The following HDAC8 variants were observed in gnomAD, a reference collection of about 807,000 sequenced individuals.
HDAC8 encodes the protein histone deacetylase-like 1.
HDAC8 carries 1 observed loss-of-function variant against 32.2 expected under a neutral mutation model. The ratio of observed to expected loss-of-function variants is 0.03; its 90% CI spans 0.01 to 0.15. HDAC8 has a LOEUF of 0.15. Among genes scored for constraint, HDAC8 ranks in the 10% least tolerant of loss-of-function variants. The probability of loss-of-function intolerance (pLI) is 1.00; values close to 1 mark genes in which losing one functional copy is unlikely to be tolerated. For synonymous variants in HDAC8, 108 were observed against 113.9 expected (o/e 0.95, Z 0.33); for missense variants, 117 against 300.0 (o/e 0.39, Z 4.51).
chrX:72,385,821 G>A (rs1602649278), intron 9 of HDAC8, among the ~76,000 whole-genome samples: 1 of 111,724 alleles, frequency 9.0e-6, no homozygotes, highest in Admixed American at 9.5e-5. Context: ...CACAGTTTGG[G>A]GAGTAACACA....
intron 7 of HDAC8, among the ~76,000 whole-genome samples, chrX:72,473,162 G>A (rs782819057): frequency 8.9e-6 from 1 of 112,415 alleles, no homozygotes; most frequent in South Asian, 3.7e-4. Flanking sequence ...AAAGTGCTTT[G>A]TAATCTGACT....
rs917079671 is a variant in HDAC8 at position 72,490,844 on chromosome X, C to T, written c.628+85G>A. On this transcript the variant is annotated intron_variant, in intron 6 of 10. Transcript: ENST00000373573. The stretch of plus-strand genomic sequence containing the variant: ...GATTGTGGCAGTAAGGCATTAACAG[C>T]ATGGAACTGTCCAAGTATAAGAAAT... 3 of 754,193 alleles carry T rather than the reference C, an allele frequency of 4.0e-6. No individual in the cohort carries two copies. In the Admixed American group the frequency reaches 7.1e-5, roughly 18 times the overall value. The allele number at this position is 754,193 out of a possible 1,213,427, so 62.2% of individuals were successfully genotyped here. A position where few individuals can be genotyped will look rare whatever the true frequency, so the allele number is the denominator to read the frequency against.
At chrX:72,401,448 C>T (rs781919544) in intron 9 of HDAC8, among the ~76,000 whole-genome samples, 3 of 111,280 alleles carry the variant, frequency 2.7e-5, no homozygotes, top group East Asian at 2.8e-4. Flanking sequence ...AGGCTGGTCT[C>T]GAACTCCTGA....
chrX:72,404,251 A>G (rs949289574), intron 9 of HDAC8, among the ~76,000 whole-genome samples: 6 of 110,991 alleles, frequency 5.4e-5, no homozygotes, highest in Non-Finnish European at 7.6e-5. Context: ...TCAGTTTGGA[A>G]GATACTCATT....
At chrX:72,393,714 C>A (rs2045677992) in intron 9 of HDAC8, among the ~76,000 whole-genome samples, 1 of 111,566 alleles carries the variant, frequency 9.0e-6, no homozygotes, top group African/African-American at 3.3e-5. Flanking sequence ...ACACCCCCCA[C>A]TCCCCGATGC....
At chrX:72,463,113 C>T (rs1227486069) in intron 8 of HDAC8, among the ~76,000 whole-genome samples, 4 of 111,000 alleles carry the variant, frequency 3.6e-5, no homozygotes, top group East Asian at 5.6e-4. Flanking sequence ...GCTCCCTCTA[C>T]GAATTGTGTG....
chrX:72,503,151 C>A (rs1173939456), intron 4 of HDAC8, among the ~76,000 whole-genome samples: 2 of 111,735 alleles, frequency 1.8e-5, no homozygotes, highest in Admixed American at 1.9e-4. Context: ...ATGTTTTACA[C>A]CAATGCTTCC....
chrX:72,444,529 C>T (rs1200130075), intron 9 of HDAC8, among the ~76,000 whole-genome samples: 3 of 107,469 alleles, frequency 2.8e-5, no homozygotes, highest in East Asian at 2.9e-4. Flanking sequence ...ATTGATGGGA[C>T]GTATCTCAAA....
chrX:72,373,593 T>C (rs2147802754), intron 9 of HDAC8, among the ~76,000 whole-genome samples: 1 of 112,649 alleles, frequency 8.9e-6, no homozygotes, highest in South Asian at 3.7e-4. Context: ...ACACATTTTG[T>C]TTATCCATTT....
At chrX:72,387,100 C>G (rs1555961728) in intron 9 of HDAC8, among the ~76,000 whole-genome samples, 2 of 112,441 alleles carry the variant, frequency 1.8e-5, no homozygotes, top group Non-Finnish European at 3.8e-5. Flanking sequence ...AGGCAGAGCA[C>G]AATGAGCTAG....
chrX:72,543,704 T>C (rs146429201), intron 4 of HDAC8, among the ~76,000 whole-genome samples: 224 of 112,691 alleles, frequency 2.0e-3, no homozygotes, highest in African/African-American at 6.8e-3. Flanking sequence ...CAGAATCACC[T>C]GGGTAGGCAT....
intron 4 of HDAC8, among the ~76,000 whole-genome samples, chrX:72,505,453 T>C (rs923087647): frequency 1.8e-5 from 2 of 111,604 alleles, no homozygotes; most frequent in African/African-American, 3.3e-5. Context: ...TTTGAGCTAT[T>C]TGGTACCTAC....
chrX:72,337,797 G>A (rs1361187348), intron 10 of HDAC8, among the ~76,000 whole-genome samples: 3 of 111,841 alleles, frequency 2.7e-5, no homozygotes, highest in South Asian at 3.7e-4. Context: ...TGCAGGGGCC[G>A]GTCCCTTGCC....
intron 9 of HDAC8, among the ~76,000 whole-genome samples, chrX:72,447,589 G>A (rs1555985549): frequency 9.0e-6 from 1 of 111,681 alleles, no homozygotes; most frequent in Non-Finnish European, 1.9e-5. Context: ...TCTGGCCAGG[G>A]CAATCAGGCA....
chrX:72,433,684 G>T (rs2046877761), intron 9 of HDAC8, among the ~76,000 whole-genome samples: 1 of 112,166 alleles, frequency 8.9e-6, no homozygotes. Context: ...GAAACCACTT[G>T]TTTGGAGAAA....
intron 10 of HDAC8, among the ~76,000 whole-genome samples, chrX:72,335,539 G>A (rs886346873): frequency 8.1e-5 from 9 of 111,551 alleles, no homozygotes; most frequent in African/African-American, 2.9e-4. Context: ...GATGTACAAC[G>A]GGTTTATCCA....
At chrX:72,341,991 G>C (rs139263957) in intron 10 of HDAC8, among the ~76,000 whole-genome samples, 18 of 111,193 alleles carry the variant, frequency 1.6e-4, no homozygotes, top group African/African-American at 5.9e-4. Flanking sequence ...TATGCTCTTC[G>C]GGCACATTTA....
chrX:72,482,095 C>T (rs2048526838), intron 7 of HDAC8, among the ~76,000 whole-genome samples: 1 of 111,900 alleles, frequency 8.9e-6, no homozygotes, highest in Admixed American at 9.5e-5. Context: ...CCTTGGTCCT[C>T]ATTTTATTCA....
intron 10 of HDAC8, among the ~76,000 whole-genome samples, chrX:72,333,770 G>A (rs991370714): frequency 5.4e-5 from 6 of 110,540 alleles, no homozygotes; most frequent in African/African-American, 2.0e-4. Flanking sequence ...AGCGTAAATG[G>A]GCCCCATCCA....
Sources: gnomAD v4.1 joint callset for allele counts (sites outside exome capture counted in the v4.1 genomes callset) on GRCh38, gnomAD v4.1.1 for gene constraint, MANE v1.5 for transcripts, NCBI Gene and HGNC (gene_info 2026-07-23, HGNC 2026-07-21) for gene names.